Variants in APC observed in about 807,000 individuals in gnomAD.
The protein encoded by APC is adenomatous polyposis coli protein.
Under a neutral mutation model 247.0 loss-of-function variants are expected in APC, and 72 were observed. The ratio of observed to expected loss-of-function variants is 0.29; its 90% CI spans 0.24 to 0.35. The LOEUF is 0.35. Among genes scored for constraint, APC ranks in the 10% least tolerant of loss-of-function variants. The pLI is 1.00. For missense variants in APC, 3,400 were observed against 3,360.7 expected (o/e 1.01, Z -0.29); for synonymous variants, 1,254 against 1,162.5 (o/e 1.08, Z -1.60).
chr5:112,841,360 G>C lies in APC; in HGVS notation c.5766G>C (p.Gln1922His), dbSNP rs2149948639. The C allele has an allele frequency of 6.2e-7, 1 of 1,613,762 alleles. No homozygotes were observed. Among genetic ancestry groups the C allele is most frequent in the Non-Finnish European group, 8.5e-7 (1 of 1,179,730 alleles). The part of the protein sequence containing the change: ...AIAKQPINRG[Q>H]PKPILQKQST... Reference sequence around the variant, plus strand: ...CAAAGCAGCCAATAAATCGAGGTCAGCCTAAACCCATACTTCAGAAACAAT... The same window carrying C: ...CAAAGCAGCCAATAAATCGAGGTCACCCTAAACCCATACTTCAGAAACAAT... Residue 1922 changes from glutamine to histidine, a missense_variant, in exon 16 of 16, where the codon CAG becomes CAC. By Grantham distance (24) the Gln-to-His change is conservative (BLOSUM62 0). This residue lies in a region of APC where 1,788 missense variants were observed against 1,649.5 expected (regional missense o/e 1.08). Coordinates refer to ENST00000257430, the MANE Select transcript of APC (RefSeq NM_000038.6). This position sits in a 1 kb window ranked among gnomAD's most constrained non-coding sequence, Gnocchi z 4.6.
Position 112,837,663 on chromosome 5 carries a change from G to A in APC, c.2069G>A (p.Arg690Lys), listed in dbSNP as rs878853423. 6.2e-7 allele frequency: 1 copy of A among 1,613,940 alleles called. No individual in the cohort carries two copies. Among genetic ancestry groups the A allele is most frequent in the Non-Finnish European group, 8.5e-7 (1 of 1,179,856 alleles). The change falls in exon 16 of 16, where the codon AGA becomes AAA. Residue 690 changes from arginine to lysine, a missense_variant. Arg to Lys is a conservative substitution (Grantham distance 26, BLOSUM62 2). This residue lies in a region of APC where 184 missense variants were observed against 248.0 expected (regional missense o/e 0.74). Coordinates refer to ENST00000257430, the MANE Select transcript of APC (RefSeq NM_000038.6). ...GGAACTTTGTGGAATCTCTCAGCAA[G>A]AAATCCTAAAGACCAGGAAGCATTA... ...ACGTLWNLSA[R>K]NPKDQEALWD... is the part of the protein sequence containing the mutation.
chr5:112,708,162 C>G (rs1750638109), intron 1 of APC, among the ~76,000 whole-genome samples: 1 of 152,348 alleles, frequency 6.6e-6, no homozygotes, highest in Admixed American at 6.5e-5. Context: ...GTGCCCCATT[C>G]GCGTTAGGTG....
chr5:112,732,578 C>T (rs909386421), intron 1 of APC, among the ~76,000 whole-genome samples: 2 of 152,098 alleles, frequency 1.3e-5, no homozygotes, highest in African/African-American at 2.4e-5. Context: ...ATGCCCTTTG[C>T]GGGTTAATTT....
intron 2 of APC, among the ~76,000 whole-genome samples, chr5:112,760,849 G>C (rs372907744): frequency 2.0e-5 from 3 of 149,688 alleles, no homozygotes; most frequent in Non-Finnish European, 4.4e-5. Context: ...TCGCTCTGTC[G>C]CCCAGTCTGG....
Position 112,713,858 on chromosome 5 carries a change from A to T in APC, c.165+5976A>T, listed in dbSNP as rs961667700. ...TTTTTAGTAGAGACAGGGTTTCGCAATGTTGGCTAGGCTGGTCTTGAACTC... is the reference window on the plus strand; with the variant it reads ...TTTTTAGTAGAGACAGGGTTTCGCATTGTTGGCTAGGCTGGTCTTGAACTC... On this transcript the variant is annotated intron_variant, in intron 1 of 13. Coordinates refer to the APC transcript ENST00000507379. Among the ~76,000 whole-genome samples the T allele has an allele frequency of 2.6e-5, 4 of 152,254 alleles. No individual in the cohort carries two copies. The East Asian group carries it at 7.7e-4, about 29-fold the overall frequency.
chr5:112,760,812 A>ATT (rs748700583), intron 2 of APC, among the ~76,000 whole-genome samples: 30 of 143,432 alleles, frequency 2.1e-4, no homozygotes, highest in Non-Finnish European at 3.4e-4. Flanking sequence ...GTCTCAATCC[A>ATT]TTTTTTTTTT....
intron 1 of APC, among the ~76,000 whole-genome samples, chr5:112,713,613 G>A (rs1750987593): frequency 6.6e-6 from 1 of 152,192 alleles, no homozygotes; most frequent in South Asian, 2.1e-4. Context: ...TCAGATAATA[G>A]TGGCAAATTT....
chr5:112,807,306 T>C (rs1761521606), intron 8 of APC, among the ~76,000 whole-genome samples: 2 of 152,186 alleles, frequency 1.3e-5, no homozygotes, highest in African/African-American at 4.8e-5. Flanking sequence ...GTTCTGGGTT[T>C]TTGTAATTTG....
Position 112,723,679 on chromosome 5 carries a change from T to G in APC, c.165+15797T>G, listed in dbSNP as rs112732013. Among the ~76,000 whole-genome samples the G allele has an allele frequency of 5.0e-3, 768 of 152,332 alleles. 9 individuals carry two copies. The highest frequency in any genetic ancestry group is 0.018 in the African/African-American group (735 of 41,570). On this transcript the variant is annotated intron_variant, in intron 1 of 13. Transcript: ENST00000507379. Reference sequence around the variant, plus strand: ...CCCAGCCCTGCCCACAAAAAACCATTTAATTTATATGCTGTATTAACTGCC... The same window carrying G: ...CCCAGCCCTGCCCACAAAAAACCATGTAATTTATATGCTGTATTAACTGCC...
At position 112,810,334 on chromosome 5, in the gene APC, C is replaced by T. The variant is rs1761864041; in HGVS notation, c.835-5161C>T. ...CAGGTAATTTTAAGGTTCTGGTTAG[C>T]AAGAAGTTGAGGAAATTTTGTCTGT... On this transcript the variant is annotated intron_variant, in intron 8 of 15. Coordinates refer to ENST00000257430, the MANE Select transcript of APC (RefSeq NM_000038.6). The T allele has an allele frequency of 3.2e-5, 7 of 216,124 alleles. No homozygotes were observed. The South Asian group carries it at 4.1e-4, about 13-fold the overall frequency. 13.4% of individuals were successfully genotyped at this position (216,124 alleles called of 1,614,324 possible). A position where few individuals can be genotyped will look rare whatever the true frequency, so the allele number is the denominator to read the frequency against.
At chr5:112,769,265 G>A (rs1420182037) in intron 4 of APC, among the ~76,000 whole-genome samples, 2 of 151,778 alleles carry the variant, frequency 1.3e-5, no homozygotes, top group Admixed American at 6.6e-5. Context: ...TGGCCAGGCT[G>A]GTCTCGATCT....
intron 1 of APC, among the ~76,000 whole-genome samples, chr5:112,721,724 T>A: frequency 6.6e-6 from 1 of 151,982 alleles, no homozygotes; most frequent in East Asian, 1.9e-4. Flanking sequence ...GAGAAATGGT[T>A]TGGAAGTGAT....
rs187718711 is a variant in APC at position 112,758,647 on chromosome 5, A to G, written c.135+3622A>G. On this transcript the variant is annotated intron_variant, in intron 2 of 15. Transcript: ENST00000257430. Reference sequence around the variant, plus strand: ...CCCCCTCCCCACAACTTTTTTTTAGATGGAGTTTCGTTCTTGTCGCCCAGG... The same window carrying G: ...CCCCCTCCCCACAACTTTTTTTTAGGTGGAGTTTCGTTCTTGTCGCCCAGG... Among the ~76,000 whole-genome samples, 393 of 147,404 alleles carry G rather than the reference A, an allele frequency of 2.7e-3. 1 individual carries two copies. The highest frequency in any genetic ancestry group is 9.3e-3 in the African/African-American group (365 of 39,400).
rs747930693 is a variant in APC at position 112,846,049 on chromosome 5, A to T, written c.*1923A>T. 1 of 232,026 alleles carries T rather than the reference A, an allele frequency of 4.3e-6. No homozygotes were observed. Among genetic ancestry groups the T allele is most frequent in the Non-Finnish European group, 8.5e-6 (1 of 117,416 alleles). 14.4% of individuals were successfully genotyped at this position (232,026 alleles called of 1,614,324 possible). ...TAAAATGCCAGTAAATAAAAGTGCT[A>T]TGACTTGAGCTAAGATATTTGACTC... On this transcript the variant is annotated 3_prime_UTR_variant, in exon 16 of 16. Coordinates refer to ENST00000257430, the MANE Select transcript of APC (RefSeq NM_000038.6).
At position 112,844,419 on chromosome 5, in the gene APC, T is replaced by C. The variant is rs1172554991; in HGVS notation, c.*293T>C. 2.8e-6 allele frequency: 1 copy of C among 361,734 alleles called. No homozygotes were observed. The highest frequency in any genetic ancestry group is 2.1e-5 in the African/African-American group (1 of 47,694). 22.4% of individuals were successfully genotyped at this position (361,734 alleles called of 1,614,324 possible). A position where few individuals can be genotyped will look rare whatever the true frequency, so the allele number is the denominator to read the frequency against. On this transcript the variant is annotated 3_prime_UTR_variant, in exon 16 of 16. Transcript: ENST00000257430. ...CATCCCAACTTCCTTTAATTATTGC[T>C]TGTCTTAAAATAATGAACACTACAG...
chr5:112,737,734 T>G (rs1476688116), upstream of APC: 2 of 656,464 alleles, frequency 3.0e-6, no homozygotes, highest in East Asian at 2.8e-4. Flanking sequence ...CACTGCGGAG[T>G]GCGGGTCGGG....
chr5:112,747,458 C>T (rs947654447), intron 1 of APC, among the ~76,000 whole-genome samples: 1 of 152,152 alleles, frequency 6.6e-6, no homozygotes, highest in Non-Finnish European at 1.5e-5. Flanking sequence ...TTACTACTTT[C>T]AGTTATCCAT....
chr5:112,726,676 C>G (rs1195502997), intron 1 of APC, among the ~76,000 whole-genome samples: 3 of 152,134 alleles, frequency 2.0e-5, no homozygotes, highest in East Asian at 1.9e-4. Context: ...CCTCCTCTAC[C>G]CAGTATTTCC....
At chr5:112,774,191 A>G (rs187228911) in intron 4 of APC, among the ~76,000 whole-genome samples, 27 of 152,290 alleles carry the variant, frequency 1.8e-4, no homozygotes, top group African/African-American at 6.0e-4. Context: ...AGATTTATGA[A>G]TACTAGGGAA....
Sources: gnomAD v4.1 joint callset for allele counts (sites outside exome capture counted in the v4.1 genomes callset) on GRCh38, gnomAD v4.1.1 for gene constraint, gnomAD v4.1.1 regional missense constraint, Gnocchi (gnomAD v3.1) non-coding constraint, MANE v1.5 for transcripts, NCBI Gene and HGNC (gene_info 2026-07-23, HGNC 2026-07-21) for gene names.